The following GATAD2A variants were observed in gnomAD, a reference collection of about 807,000 sequenced individuals.
The protein encoded by GATAD2A is GATA zinc finger domain containing 2A.
GATAD2A carries 12 observed loss-of-function variants against 68.5 expected under a neutral mutation model. The ratio of observed to expected loss-of-function variants is 0.18; its 90% CI spans 0.11 to 0.28. GATAD2A has a LOEUF of 0.28. Ranked by LOEUF, GATAD2A falls within the 10% of genes least tolerant of loss-of-function variation. The pLI, the probability that GATAD2A is intolerant of heterozygous loss-of-function variation, is 1.00. For missense variants in GATAD2A, 755 were observed against 868.5 expected, an observed-to-expected ratio of 0.87 and a Z score of 1.64; for synonymous variants, 410 against 375.3, an observed-to-expected ratio of 1.09 and a Z score of -1.07.
intron 1 of GATAD2A, among the ~76,000 whole-genome samples, chr19:19,413,578 G>GTGTTTT (rs913459713): frequency 2.0e-5 from 3 of 151,930 alleles, no homozygotes; most frequent in Non-Finnish European, 4.4e-5. Context: ...GGTGTGTTTG[G>GTGTTTT]TGTTTTTGTT....
rs1297333262 is a variant in GATAD2A, at chr19:19,422,958, G to A, written c.-7+16939G>A. ...GATCTCCTGAACTCATGATCTGCCC[G>A]CCTCGGCCTCCTGAAGTGCTGGGAT... On this transcript the variant is annotated intron_variant, in intron 1 of 11. Coordinates refer to ENST00000683918, the MANE Select transcript of GATAD2A (RefSeq NM_001384528.1). Among the ~76,000 whole-genome samples the A allele has an allele frequency of 4.6e-5, 7 of 151,968 alleles. No individual in the cohort carries two copies. The East Asian group carries it at 5.8e-4, about 13-fold the overall frequency.
intron 1 of GATAD2A, among the ~76,000 whole-genome samples, chr19:19,437,276 G>A (rs1349415594): frequency 6.6e-6 from 1 of 152,026 alleles, no homozygotes; most frequent in African/African-American, 2.4e-5. Flanking sequence ...GAATACAGGC[G>A]TGTGCAACCA....
chr19:19,481,312 T>G (rs530567986), intron 2 of GATAD2A, among the ~76,000 whole-genome samples: 6 of 152,272 alleles, frequency 3.9e-5, no homozygotes, highest in Admixed American at 3.3e-4. Flanking sequence ...AGTGTGAGTG[T>G]CCACCACCTC....
intron 9 of GATAD2A, 29 bp downstream of exon 9, chr19:19,501,445 G>C: frequency 6.5e-7 from 1 of 1,533,518 alleles, no homozygotes; most frequent in Non-Finnish European, 8.8e-7. Flanking sequence ...CGGCAGTGCC[G>C]TCCCTAGGAG....
intron 2 of GATAD2A, among the ~76,000 whole-genome samples, chr19:19,475,161 C>A (rs2058588619): frequency 6.6e-6 from 1 of 152,238 alleles, no homozygotes; most frequent in African/African-American, 2.4e-5. Flanking sequence ...CTGCTCCCGG[C>A]CCGCCGGCCG....
At chr19:19,457,341 T>C (rs1282898429) in intron 1 of GATAD2A, 1 of 546,178 alleles carries the variant, frequency 1.8e-6, no homozygotes, top group Non-Finnish European at 2.3e-6. Flanking sequence ...GATTCAGTCT[T>C]GCCTGGAGAC....
intron 8 of GATAD2A, 86 bp from the exon 9 acceptor site, chr19:19,501,032 G>A: frequency 1.6e-6 from 2 of 1,215,874 alleles, no homozygotes; most frequent in Non-Finnish European, 2.3e-6. Flanking sequence ...TGGCGACTGA[G>A]ACTCCAGCAT....
At chr19:19,436,322 C>A in intron 1 of GATAD2A, 1 of 565,272 alleles carries the variant, frequency 1.8e-6, no homozygotes, top group South Asian at 1.5e-5. Flanking sequence ...CTTCAGCCAC[C>A]TCCTAGAGAA....
intron 11 of GATAD2A, 80 bp downstream of exon 11, chr19:19,502,606 G>A (rs1427494785): frequency 1.8e-6 from 2 of 1,125,692 alleles, no homozygotes; most frequent in African/African-American, 3.1e-5. Context: ...AGAGGCACAT[G>A]TGCAGCGGGT....
intron 1 of GATAD2A, among the ~76,000 whole-genome samples, chr19:19,409,700 TTGG>T (rs2050690201): frequency 1.3e-5 from 2 of 151,304 alleles, no homozygotes; most frequent in African/African-American, 2.4e-5. Context: ...CTTGAAGTGG[TTGG>T]TGGTTGCAGC....
At chr19:19,436,754 C>G (rs2054401800) in intron 1 of GATAD2A, among the ~76,000 whole-genome samples, 1 of 152,194 alleles carries the variant, frequency 6.6e-6, no homozygotes, top group African/African-American at 2.4e-5. Flanking sequence ...TCTCTGTTAC[C>G]ATCAAGCCTG....
chr19:19,456,677 C>T (rs1026368563), intron 1 of GATAD2A, among the ~76,000 whole-genome samples: 2 of 152,136 alleles, frequency 1.3e-5, no homozygotes, highest in African/African-American at 4.8e-5. Context: ...AGGCAAACAC[C>T]AAAAGGTTTG....
chr19:19,502,215 A>T, intron 10 of GATAD2A, 116 bp from the exon 11 acceptor site: 1 of 948,360 alleles, frequency 1.1e-6, no homozygotes, highest in Non-Finnish European at 1.6e-6. Context: ...TTTGGACTTT[A>T]GGGACCCCAT....
At position 19,417,461 on chromosome 19, in the gene GATAD2A, A is replaced by G. The variant is rs977906682; in HGVS notation, c.-7+11442A>G. Among the ~76,000 whole-genome samples the G allele has an allele frequency of 2.0e-5, 3 of 152,110 alleles. No homozygotes were observed. The South Asian group carries it at 6.2e-4, about 32-fold the overall frequency. On this transcript the variant is annotated intron_variant, in intron 1 of 11. Transcript: ENST00000683918. ...TGGCTCTCTCAGTCTCAGGGTATCC[A>G]CAGCTCCTGTGGAGAAGGGGTTCCT...
rs533307704 is a variant in GATAD2A, at chr19:19,495,463, C to T, written c.625-291C>T. Among the ~76,000 whole-genome samples, 148 of 152,082 alleles carry T rather than the reference C, an allele frequency of 9.7e-4. 1 individual carries two copies. Among genetic ancestry groups the T allele is most frequent in the Admixed American group, 6.1e-3 (93 of 15,266 alleles). On this transcript the variant is annotated intron_variant, in intron 5 of 11. Transcript: ENST00000683918. ...AGCTGGGACTACAGGCACGTGCCAC[C>T]ACGCCTGGCTAATTTTTGTATTTTT...
chr19:19,463,057 G>C (rs1600195446), intron 1 of GATAD2A, among the ~76,000 whole-genome samples: 1 of 152,138 alleles, frequency 6.6e-6, no homozygotes, highest in Non-Finnish European at 1.5e-5. Flanking sequence ...CCCAACAGTA[G>C]TTATAAGGCC....
At chr19:19,485,313 T>G (rs1306802141) in intron 2 of GATAD2A, among the ~76,000 whole-genome samples, 1 of 152,248 alleles carries the variant, frequency 6.6e-6, no homozygotes, top group Admixed American at 6.5e-5. Context: ...TTGACGTTTT[T>G]CAGTCTGTCA....
chr19:19,413,202 G>A (rs955502879), intron 1 of GATAD2A, among the ~76,000 whole-genome samples: 1 of 152,174 alleles, frequency 6.6e-6, no homozygotes, highest in Admixed American at 6.5e-5. Context: ...TGTGTGTTTA[G>A]CACAGGCTCA....
intron 1 of GATAD2A, among the ~76,000 whole-genome samples, chr19:19,418,054 A>G (rs1202239137): frequency 4.6e-5 from 7 of 152,196 alleles, no homozygotes; most frequent in Non-Finnish European, 1.0e-4. Flanking sequence ...TGGCAGCTGA[A>G]TGACGACTGG....
Sources: allele counts gnomAD v4.1 joint callset (sites outside exome capture counted in the v4.1 genomes callset), GRCh38; gene constraint gnomAD v4.1.1; transcripts MANE v1.5; gene names NCBI Gene and HGNC (gene_info 2026-07-23, HGNC 2026-07-21).